FBXO40: variants seen among roughly 807,000 people sequenced by gnomAD.
FBXO40 encodes the protein F-box protein 40.
Under a neutral mutation model 49.9 loss-of-function variants are expected in FBXO40, and 50 were observed. That is an observed-to-expected ratio of 1.00 (90% CI 0.80 to 1.27). FBXO40 has a LOEUF of 1.27. Among genes scored for constraint, FBXO40 ranks in the 50% most tolerant of loss-of-function variants. The probability of loss-of-function intolerance (pLI) is 0.00; values close to 1 mark genes in which losing one functional copy is unlikely to be tolerated. For missense variants in FBXO40, 895 were observed against 870.1 expected (o/e 1.03, Z -0.36); for synonymous variants, 340 against 320.2 (o/e 1.06, Z -0.66).
intron 1 of FBXO40, among the ~76,000 whole-genome samples, chr3:121,602,280 G>T (rs2048904670): frequency 6.6e-6 from 1 of 152,060 alleles, no homozygotes; most frequent in African/African-American, 2.4e-5. Context: ...CCTCTCACTT[G>T]TAAGTGGATA....
intron 1 of FBXO40, among the ~76,000 whole-genome samples, chr3:121,612,862 A>AG (rs2048974659): frequency 6.6e-6 from 1 of 151,740 alleles, no homozygotes; most frequent in Non-Finnish European, 1.5e-5. Flanking sequence ...GAGGTCAGTG[A>AG]ATCGAGGCCA....
Position 121,622,489 on chromosome 3 carries a change from G to T in FBXO40, c.1060G>T (p.Val354Leu). 1 of 1,614,246 alleles carries T rather than the reference G, an allele frequency of 6.2e-7. No homozygotes were observed. Among genetic ancestry groups the T allele is most frequent in the Non-Finnish European group, 8.5e-7 (1 of 1,180,050 alleles). ...VKTVYTFKVP[V>L]SYCGKRARLG... is the part of the protein sequence containing the mutation. Reference sequence around the variant, plus strand: ...GACTGTTTACACCTTCAAAGTTCCTGTGAGCTACTGTGGAAAGCGAGCTCG... The same window carrying T: ...GACTGTTTACACCTTCAAAGTTCCTTTGAGCTACTGTGGAAAGCGAGCTCG... The change falls in exon 3 of 4, where the codon GTG (valine) becomes TTG (leucine). Residue 354 changes from valine to leucine, a missense_variant. By Grantham distance (32) the Val-to-Leu change is conservative. Transcript: ENST00000338040.
intron 1 of FBXO40, among the ~76,000 whole-genome samples, chr3:121,602,509 C>A (rs1017976524): frequency 6.6e-6 from 1 of 152,212 alleles, no homozygotes; most frequent in African/African-American, 2.4e-5. Context: ...ACCATCCCAG[C>A]CAGAAATAAA....
Position 121,626,786 on chromosome 3 carries a change from T to C in FBXO40, c.2006T>C (p.Phe669Ser), listed in dbSNP as rs768937464. Residue 669 changes from phenylalanine (F) to serine (S), a missense_variant, in exon 4 of 4, where the codon TTC (phenylalanine) becomes TCC (serine). Physicochemically the swap from Phe to Ser is radical, Grantham distance 155. Coordinates refer to ENST00000338040, the MANE Select transcript of FBXO40 (RefSeq NM_016298.4). Reference protein sequence around the residue: ...SMSEHLKSCPFNIVEHKTDPI... With the variant: ...SMSEHLKSCPSNIVEHKTDPI... ...TCTGAGCACCTGAAGTCCTGTCCTTTCAACATTGTAGAGCACAAAACTGAC... is the reference window on the plus strand; with the variant it reads ...TCTGAGCACCTGAAGTCCTGTCCTTCCAACATTGTAGAGCACAAAACTGAC... 2.5e-6 allele frequency: 4 copies of C among 1,614,048 alleles called. No individual in the cohort carries two copies. Among genetic ancestry groups the C allele is most frequent in the Non-Finnish European group, 3.4e-6 (4 of 1,180,036 alleles).
At chr3:121,617,906 A>G (rs2049007023) in intron 1 of FBXO40, among the ~76,000 whole-genome samples, 1 of 152,136 alleles carries the variant, frequency 6.6e-6, no homozygotes, top group Non-Finnish European at 1.5e-5. Context: ...AAGCTGAGGC[A>G]GAAGAATCGC....
intron 1 of FBXO40, among the ~76,000 whole-genome samples, chr3:121,615,158 T>G (rs1357094315): frequency 1.5e-5 from 2 of 136,046 alleles, no homozygotes; most frequent in Admixed American, 8.6e-5. Flanking sequence ...TAAGCCAAGA[T>G]CGTGCCACTG....
chr3:121,598,135 A>G (rs1309484586), intron 1 of FBXO40, among the ~76,000 whole-genome samples: 1 of 152,240 alleles, frequency 6.6e-6, no homozygotes, highest in Non-Finnish European at 1.5e-5. Context: ...GAAGGAGTCC[A>G]CAGAGCAAAT....
intron 1 of FBXO40, among the ~76,000 whole-genome samples, chr3:121,595,018 T>G (rs1352979367): frequency 6.6e-6 from 1 of 152,224 alleles, no homozygotes; most frequent in African/African-American, 2.4e-5. Context: ...AAAGTTCAGC[T>G]AAGGACATCC....
chr3:121,612,211 G>A (rs2048969858), intron 1 of FBXO40, among the ~76,000 whole-genome samples: 1 of 152,160 alleles, frequency 6.6e-6, no homozygotes, highest in South Asian at 2.1e-4. Context: ...AAGGGTACAT[G>A]TACCCATAGA....
intron 1 of FBXO40, among the ~76,000 whole-genome samples, chr3:121,616,347 A>G (rs2108849322): frequency 6.6e-6 from 1 of 152,288 alleles, no homozygotes; most frequent in Non-Finnish European, 1.5e-5. Flanking sequence ...CCAGGAGTCC[A>G]TCATTCCCTC....
At chr3:121,616,243 T>C (rs2048996983) in intron 1 of FBXO40, among the ~76,000 whole-genome samples, 1 of 152,140 alleles carries the variant, frequency 6.6e-6, no homozygotes. Context: ...GATTCCTCTT[T>C]CACACTCAGT....
Position 121,626,854 on chromosome 3 carries a change from C to G in FBXO40, c.2074C>G (p.Arg692Gly), listed in dbSNP as rs146248987. The change falls in exon 4 of 4, where the codon CGA becomes GGA. Residue 692 changes from arginine to glycine, a missense_variant. By Grantham distance (125) the Arg-to-Gly change is moderately radical. Coordinates refer to ENST00000338040, the MANE Select transcript of FBXO40 (RefSeq NM_016298.4). ...CATGTGTCAGCCCCGTGAGCAGGCC[C>G]GAGAGAGCTTAGTCTCCACCTTTAG... ...TSMCQPREQA[R>G]ESLVSTFRIR... The G allele has an allele frequency of 1.2e-6, 2 of 1,614,074 alleles. No homozygotes were observed. The highest frequency in any genetic ancestry group is 1.7e-6 in the Non-Finnish European group (2 of 1,180,022).
At chr3:121,597,654 G>GC (rs539412378) in intron 1 of FBXO40, among the ~76,000 whole-genome samples, 33 of 114,760 alleles carry the variant, frequency 2.9e-4, no homozygotes, top group African/African-American at 9.4e-4. Context: ...GTTATTATAG[G>GC]CCCCCTTTTT....
At chr3:121,596,311 GA>G (rs1458152140) in intron 1 of FBXO40, among the ~76,000 whole-genome samples, 1 of 152,104 alleles carries the variant, frequency 6.6e-6, no homozygotes, top group African/African-American at 2.4e-5. Flanking sequence ...AAGCACAATA[GA>G]AAAAAAGCAC....
At chr3:121,613,032 T>C (rs2331813) in intron 1 of FBXO40, among the ~76,000 whole-genome samples, 30,447 of 148,214 alleles carry the variant, frequency 0.21, 3,586 homozygotes, top group Admixed American at 0.36. Flanking sequence ...ATCCAGCCAC[T>C]GCACTCCAGC....
chr3:121,594,684 T>C (rs1041679274), intron 1 of FBXO40, among the ~76,000 whole-genome samples: 5 of 152,226 alleles, frequency 3.3e-5, no homozygotes, highest in African/African-American at 1.2e-4. Flanking sequence ...AACACCTTTT[T>C]TTCGCCAACA....
At position 121,626,897 on chromosome 3, in the gene FBXO40, G is replaced by T. The variant is rs770378766; in HGVS notation, c.2117G>T (p.Arg706Ile). ...ACCTTTAGAATCAGACCACGAGGAA[G>T]ATACGTCTCCTAAAAATTCAGATGC... Reference protein sequence around the residue: ...VSTFRIRPRGRYVS With the variant: ...VSTFRIRPRGIYVS The change falls in exon 4 of 4, where the codon AGA becomes ATA. Residue 706 changes from arginine (R) to isoleucine (I), a missense_variant. Physicochemically the swap from Arg to Ile is moderately conservative, Grantham distance 97 (BLOSUM62 -3). Transcript: ENST00000338040. 149 of 1,614,028 alleles carry T rather than the reference G, an allele frequency of 9.2e-5. No homozygotes were observed. The highest frequency in any genetic ancestry group is 1.2e-4 in the Non-Finnish European group (144 of 1,180,022).
In FBXO40 at chr3:121,609,769, C is replaced by T. The variant is rs547414659; in HGVS notation, c.-30-10777C>T. On this transcript the variant is annotated intron_variant, in intron 1 of 3. Coordinates refer to ENST00000338040, the MANE Select transcript of FBXO40 (RefSeq NM_016298.4). ...AAAAGCCATGCAAGAAAACCAGAGT[C>T]CCTGAAGGACAGCTTAAAGGATAAG... Among the ~76,000 whole-genome samples, 48 of 152,326 alleles carry T rather than the reference C, an allele frequency of 3.2e-4. No homozygotes were observed. The South Asian group carries it at 5.6e-3, about 18-fold the overall frequency.
At chr3:121,605,433 C>A (rs1399419807) in intron 1 of FBXO40, among the ~76,000 whole-genome samples, 1 of 152,200 alleles carries the variant, frequency 6.6e-6, no homozygotes, top group African/African-American at 2.4e-5. Context: ...TGTTGCAGGA[C>A]TATGGTATGT....
Sources: allele counts gnomAD v4.1 joint callset (sites outside exome capture counted in the v4.1 genomes callset), GRCh38; gene constraint gnomAD v4.1.1; transcripts MANE v1.5; gene names NCBI Gene and HGNC (gene_info 2026-07-23, HGNC 2026-07-21).